The following DRD3 variants were observed in gnomAD, a reference collection of about 807,000 sequenced individuals.
The protein encoded by DRD3 is dopamine receptor D3, also known as D(3) dopamine receptor.
In DRD3, 19 loss-of-function variants were observed where a neutral mutation model predicts 36.3. The observed-to-expected ratio is 0.52, with a 90% CI of 0.36 to 0.77. The LOEUF is 0.77. Ranked by LOEUF, DRD3 falls within the 30% of genes least tolerant of loss-of-function variation. DRD3 has a pLI of 0.00. For missense variants in DRD3, 465 were observed against 505.3 expected (o/e 0.92, Z 0.77); for synonymous variants, 195 against 203.7 (o/e 0.96, Z 0.36).
intron 5 of DRD3, among the ~76,000 whole-genome samples, chr3:114,136,556 C>A (rs2077476627): frequency 6.6e-6 from 1 of 152,178 alleles, no homozygotes; most frequent in African/African-American, 2.4e-5. Context: ...GGCCTTGAAG[C>A]CTCCTTAGAC....
chr3:114,156,761 T>TTCTTTCTTTCTTTCTTTC (rs2077676087), intron 3 of DRD3, among the ~76,000 whole-genome samples: 1 of 104,750 alleles, frequency 9.5e-6, no homozygotes, highest in African/African-American at 3.5e-5. Flanking sequence ...CTTTCTTTCT[T>TTCTTTCTTTCTTTCTTTC]TCTTTCTTTC....
intron 2 of DRD3, among the ~76,000 whole-genome samples, chr3:114,163,649 C>T (rs567507594): frequency 3.9e-5 from 6 of 152,252 alleles, no homozygotes; most frequent in East Asian, 1.9e-4. Context: ...GTGTGTCCAT[C>T]CATTACCCCT....
At chr3:114,154,966 G>A (rs1330849372) in intron 3 of DRD3, among the ~76,000 whole-genome samples, 1 of 152,112 alleles carries the variant, frequency 6.6e-6, no homozygotes, top group African/African-American at 2.4e-5. Flanking sequence ...AAAACGAAAT[G>A]GCAGCATTAA....
In DRD3 at chr3:114,171,824, C is replaced by T. The variant is rs143935709; in HGVS notation, c.169G>A (p.Glu57Lys). The T allele has an allele frequency of 6.2e-7, 1 of 1,614,138 alleles. No individual in the cohort carries two copies. The highest frequency in any genetic ancestry group is 8.5e-7 in the Non-Finnish European group (1 of 1,179,984). Reference sequence around the variant, plus strand: ...TTGGTGGTAGTCTGCAGGGCCCGCTCCTTCAGCACAGCCATGCACACCAGG... The same window carrying T: ...TTGGTGGTAGTCTGCAGGGCCCGCTTCTTCAGCACAGCCATGCACACCAGG... ...NGLVCMAVLK[E>K]RALQTTTNYL... Residue 57 changes from glutamate (E) to lysine (K), a missense_variant, in exon 2 of 7, where the codon GAG becomes AAG. Physicochemically the swap from Glu to Lys is moderately conservative, Grantham distance 56. Coordinates refer to ENST00000383673, the MANE Select transcript of DRD3 (RefSeq NM_000796.6).
chr3:114,188,291 G>A (rs2077986820), intron 1 of DRD3, among the ~76,000 whole-genome samples: 1 of 136,522 alleles, frequency 7.3e-6, no homozygotes, highest in African/African-American at 2.8e-5. Context: ...TCAGTTCACT[G>A]CAACCTCCGC....
chr3:114,155,546 T>A (rs1363032456), intron 3 of DRD3, among the ~76,000 whole-genome samples: 2 of 150,024 alleles, frequency 1.3e-5, no homozygotes, highest in African/African-American at 4.8e-5. Context: ...GGCCGCAAAA[T>A]GGTGCTCTTG....
chr3:114,176,026 A>G (rs1349000712), intron 1 of DRD3: 1 of 152,180 alleles, frequency 6.6e-6, no homozygotes, highest in African/African-American at 2.4e-5. Context: ...ACCTATTTAA[A>G]AAGGCAGGGG....
intron 3 of DRD3, among the ~76,000 whole-genome samples, chr3:114,149,806 A>G (rs2077600719): frequency 6.6e-6 from 1 of 152,220 alleles, no homozygotes. Context: ...GTTGACAGTC[A>G]GCTAGAAAGT....
chr3:114,145,314 T>C (rs138955271), intron 4 of DRD3, among the ~76,000 whole-genome samples: 45 of 152,340 alleles, frequency 3.0e-4, no homozygotes, highest in African/African-American at 1.1e-3. Flanking sequence ...AATGATATTT[T>C]AGTGCCACAG....
Position 114,157,428 on chromosome 3 carries a change from G to A in DRD3, c.383+2327C>T, listed in dbSNP as rs167771. 0.65 allele frequency among the ~76,000 whole-genome samples: 98,528 copies of A among 151,878 alleles called. 36,887 individuals are homozygous for A. The highest frequency in any genetic ancestry group is 0.83 in the Non-Finnish European group (56,363 of 67,946). ...CTCATGCTCCAAAGTCTATCACAAT[G>A]ATCCTCTTTTCCATAAAGCCCTTTC... On this transcript the variant is annotated intron_variant, in intron 3 of 6. Coordinates refer to ENST00000383673, the MANE Select transcript of DRD3 (RefSeq NM_000796.6).
chr3:114,144,840 GC>G (rs777706627), intron 4 of DRD3, among the ~76,000 whole-genome samples: 21 of 152,116 alleles, frequency 1.4e-4, no homozygotes, highest in Non-Finnish European at 2.5e-4. Context: ...AGAAGTGAGA[GC>G]GCACATACTA....
At position 114,185,626 on chromosome 3, in the gene DRD3, TA is replaced by T. The variant is rs57767912; in HGVS notation, c.-155-6851del. The stretch of plus-strand genomic sequence containing the variant: ...TCAGGAATAGTTTTGGTTGATTAAT[TA>T]AAAAAAAAATTGAATGTGCCATACT... On this transcript the variant is annotated intron_variant, in intron 1 of 7. Transcript: ENST00000460779. Among the ~76,000 whole-genome samples, 42 of 150,462 alleles carry T rather than the reference TA, an allele frequency of 2.8e-4. No individual in the cohort carries two copies. In the East Asian group the frequency reaches 4.5e-3, roughly 16 times the overall value.
intron 1 of DRD3, among the ~76,000 whole-genome samples, chr3:114,190,477 T>A (rs1576093633): frequency 2.0e-5 from 1 of 48,966 alleles, no homozygotes; most frequent in East Asian, 5.2e-4. Context: ...TTTTTTTTTT[T>A]TTTTTTTTTT....
At chr3:114,176,034 G>A (rs1285660009) in intron 1 of DRD3, 1 of 152,120 alleles carries the variant, frequency 6.6e-6, no homozygotes, top group African/African-American at 2.4e-5. Context: ...AAAAAGGCAG[G>A]GGAACAGAGA....
chr3:114,169,344 G>A (rs576793377), intron 2 of DRD3, among the ~76,000 whole-genome samples: 126 of 148,760 alleles, frequency 8.5e-4, no homozygotes, highest in Middle Eastern at 3.5e-3. Flanking sequence ...TTACCAACTC[G>A]CTTCAAGACA....
chr3:114,194,960 A>C (rs1304540245), intron 1 of DRD3, among the ~76,000 whole-genome samples: 1 of 152,168 alleles, frequency 6.6e-6, no homozygotes, highest in Non-Finnish European at 1.5e-5. Flanking sequence ...CTCCAGACTT[A>C]CGGGAAGCTT....
At chr3:114,177,334 G>A (rs1199692812) in intron 1 of DRD3, among the ~76,000 whole-genome samples, 1 of 152,054 alleles carries the variant, frequency 6.6e-6, no homozygotes, top group African/African-American at 2.4e-5. Flanking sequence ...ATGTATTTGG[G>A]CACATTTACA....
At chr3:114,182,620 TC>T (rs2077954241), upstream of DRD3, among the ~76,000 whole-genome samples, 1 of 152,056 alleles carries the variant, frequency 6.6e-6, no homozygotes, top group African/African-American at 2.4e-5. Flanking sequence ...TTTTTCTTTT[TC>T]TGTTTTTTGA....
At chr3:114,174,747 ATT>A (rs200747394) in intron 1 of DRD3, among the ~76,000 whole-genome samples, 50 of 137,190 alleles carry the variant, frequency 3.6e-4, no homozygotes, top group African/African-American at 1.1e-3. Context: ...CCCTGCTTAG[ATT>A]TTTTTTTTTT....
Sources: gnomAD v4.1 joint callset for allele counts (sites outside exome capture counted in the v4.1 genomes callset) on GRCh38, gnomAD v4.1.1 for gene constraint, MANE v1.5 for transcripts, NCBI Gene and HGNC (gene_info 2026-07-23, HGNC 2026-07-21) for gene names.